The following YAP1 variants were observed in gnomAD, a reference collection of about 807,000 sequenced individuals.
The protein encoded by YAP1 is Yes1 associated transcriptional regulator, also known as transcriptional coactivator YAP1.
Under a neutral mutation model 56.9 loss-of-function variants are expected in YAP1, and 5 were observed. The observed-to-expected ratio is 0.09, with a 90% CI of 0.05 to 0.18. The LOEUF is 0.18. YAP1 is among the 10% of genes least tolerant of loss of function. The probability of loss-of-function intolerance (pLI) is 1.00; values close to 1 mark genes in which losing one functional copy is unlikely to be tolerated. For synonymous variants in YAP1, 265 were observed against 248.1 expected, an observed-to-expected ratio of 1.07 and a Z score of -0.64; for missense variants, 539 against 651.8, an observed-to-expected ratio of 0.83 and a Z score of 1.88.
At chr11:102,182,052 C>A (rs1256352855) in intron 3 of YAP1, among the ~76,000 whole-genome samples, 1 of 152,144 alleles carries the variant, frequency 6.6e-6, no homozygotes, top group African/African-American at 2.4e-5. Flanking sequence ...AAACTCCTGA[C>A]CTCGTGATCC....
intron 4 of YAP1, among the ~76,000 whole-genome samples, chr11:102,201,270 A>G (rs1482536897): frequency 6.6e-6 from 1 of 152,228 alleles, no homozygotes; most frequent in East Asian, 1.9e-4. Context: ...TTACAAAGGC[A>G]AAAGCAAAGT....
chr11:102,205,958 C>A lies in YAP1; in HGVS notation c.868C>A (p.Pro290Thr), dbSNP rs1173777571. 6.2e-7 allele frequency: 1 copy of A among 1,613,284 alleles called. No individual in the cohort carries two copies. Reference protein sequence around the residue: ...KQPPPLAPQSPQGGVMGGSNS... With the variant: ...KQPPPLAPQSTQGGVMGGSNS... The stretch of plus-strand genomic sequence containing the variant: ...GCCACCACCCCTGGCTCCCCAGAGC[C>A]CACAGGGAGGCGTCATGGGTGGCAG... Residue 290 changes from proline to threonine, a missense_variant, in exon 5 of 9, where the codon CCA becomes ACA. By Grantham distance (38) the Pro-to-Thr change is conservative. Around this residue, in one of 4 missense-constraint regions of YAP1, gnomAD observed 414 missense variants for 512.4 expected, o/e 0.81. Coordinates refer to ENST00000282441, the MANE Select transcript of YAP1 (RefSeq NM_001130145.3).
At chr11:102,194,889 A>T (rs1948493558) in intron 4 of YAP1, among the ~76,000 whole-genome samples, 1 of 152,176 alleles carries the variant, frequency 6.6e-6, no homozygotes, top group Non-Finnish European at 1.5e-5. Context: ...TAATAGTGAC[A>T]AGTATATTTT....
intron 4 of YAP1, among the ~76,000 whole-genome samples, chr11:102,201,927 A>G (rs939909191): frequency 1.3e-5 from 2 of 152,128 alleles, no homozygotes; most frequent in African/African-American, 4.8e-5. Context: ...GGCAGGGAAT[A>G]TACTAGATGA....
intron 2 of YAP1, among the ~76,000 whole-genome samples, chr11:102,149,382 G>A (rs1353408190): frequency 6.6e-6 from 1 of 152,136 alleles, no homozygotes; most frequent in Admixed American, 6.5e-5. Context: ...GAAATTGATA[G>A]GATACCTTCA....
intron 4 of YAP1, among the ~76,000 whole-genome samples, chr11:102,197,241 G>T (rs886966004): frequency 6.6e-6 from 1 of 152,202 alleles, no homozygotes; most frequent in African/African-American, 2.4e-5. Flanking sequence ...GAAATATTCA[G>T]TGTCTGAGAT....
chr11:102,111,234 G>T (rs967592019), intron 1 of YAP1, 65 bp downstream of exon 1: 240 of 1,587,756 alleles, frequency 1.5e-4, no homozygotes, highest in Middle Eastern at 1.0e-3. Flanking sequence ...GGGCGCTCGG[G>T]AGCCGCGGCC....
chr11:102,112,405 T>G (rs1343854142), intron 1 of YAP1: 2 of 981,994 alleles, frequency 2.0e-6, no homozygotes, highest in African/African-American at 3.5e-5. Context: ...TCTCTTTTTC[T>G]TTCTTTTTTA....
intron 8 of YAP1, 111 bp from the exon 9 acceptor site, chr11:102,229,591 G>A (rs1950365166): frequency 2.2e-6 from 2 of 908,476 alleles, no homozygotes; most frequent in Non-Finnish European, 3.4e-6. Context: ...TATCAGTTTA[G>A]GTCAGTCAGG....
chr11:102,123,458 A>G (rs1000344295), intron 2 of YAP1, among the ~76,000 whole-genome samples: 3 of 151,614 alleles, frequency 2.0e-5, no homozygotes, highest in African/African-American at 7.3e-5. Flanking sequence ...TCACTCTTTG[A>G]GTTTGTTCAT....
At chr11:102,225,522 G>A (rs1259961703) in intron 7 of YAP1, among the ~76,000 whole-genome samples, 2 of 152,086 alleles carry the variant, frequency 1.3e-5, no homozygotes, top group Admixed American at 6.6e-5. Context: ...CCTCTTGATG[G>A]TTTTTCCCTT....
intron 2 of YAP1, among the ~76,000 whole-genome samples, chr11:102,114,745 T>G (rs1344300735): frequency 6.6e-6 from 1 of 152,320 alleles, no homozygotes; most frequent in African/African-American, 2.4e-5. Context: ...ATTCTGGGAA[T>G]TACAGGGCTA....
intron 1 of YAP1, 31 bp from the exon 2 acceptor site, chr11:102,114,109 CTTTT>C: frequency 6.5e-7 from 1 of 1,549,506 alleles, no homozygotes; most frequent in South Asian, 1.2e-5. Context: ...TGTGTTTTTT[CTTTT>C]TTAATTTTTC....
intron 2 of YAP1, among the ~76,000 whole-genome samples, chr11:102,114,695 G>A (rs79943178): frequency 0.026 from 4,011 of 152,068 alleles, 170 homozygotes; most frequent in African/African-American, 0.092. Context: ...CTTTTAATTA[G>A]CCTAGCACAA....
chr11:102,118,105 A>G (rs1943403976), intron 2 of YAP1, among the ~76,000 whole-genome samples: 1 of 152,216 alleles, frequency 6.6e-6, no homozygotes, highest in Non-Finnish European at 1.5e-5. Context: ...TATATAATGT[A>G]CCATGTAGGA....
intron 7 of YAP1, among the ~76,000 whole-genome samples, chr11:102,225,131 AC>A (rs1377088834): frequency 1.3e-5 from 2 of 151,330 alleles, no homozygotes; most frequent in Non-Finnish European, 2.9e-5. Flanking sequence ...TCTCTGCAGT[AC>A]CCCCAGTTTC....
chr11:102,180,656 T>G lies in YAP1; in HGVS notation c.689-5362T>G, dbSNP rs1468737242. Among the ~76,000 whole-genome samples the G allele has an allele frequency of 1.6e-5, 2 of 123,120 alleles. 1 individual carries two copies. The highest frequency in any genetic ancestry group is 3.1e-5 in the Non-Finnish European group (2 of 63,506). The allele number at this position is 123,120 out of a possible 152,430, so 80.8% of individuals were successfully genotyped here. On this transcript the variant is annotated intron_variant, in intron 3 of 8. Transcript: ENST00000282441. ...GAGATCATGCCACTGCACTCCAGCC[T>G]GGGCGACTGAGCAAGACTCCATCTC...
rs942367706 is a variant in YAP1 at position 102,123,008 on chromosome 11, T to C, written c.572+8614T>C. Among the ~76,000 whole-genome samples the C allele has an allele frequency of 3.9e-5, 6 of 152,196 alleles. No individual in the cohort carries two copies. In the East Asian group the frequency reaches 1.2e-3, roughly 29 times the overall value. On this transcript the variant is annotated intron_variant, in intron 2 of 8. Transcript: ENST00000282441. ...AGCACTTTCCACTCCTTCTAGGTGT[T>C]TTTTCCGCTGGTACTTTTAAAAATT...
chr11:102,136,405 A>G (rs1944677809), intron 2 of YAP1, among the ~76,000 whole-genome samples: 1 of 151,084 alleles, frequency 6.6e-6, no homozygotes, highest in Admixed American at 6.6e-5. Context: ...CAGTGGCACA[A>G]TCTCGGCTCA....
Sources: allele counts gnomAD v4.1 joint callset (sites outside exome capture counted in the v4.1 genomes callset), GRCh38; gene constraint gnomAD v4.1.1; regional missense constraint gnomAD v4.1.1; transcripts MANE v1.5; gene names NCBI Gene and HGNC (gene_info 2026-07-23, HGNC 2026-07-21).